Variants in TMCO5A observed in about 807,000 individuals in gnomAD.
The protein encoded by TMCO5A is transmembrane and coiled-coil domains 5A, also known as transmembrane and coiled-coil domain-containing protein 5A.
TMCO5A carries 34 observed loss-of-function variants against 42.3 expected under a neutral mutation model. The ratio of observed to expected loss-of-function variants is 0.80; its 90% CI spans 0.61 to 1.07. The LOEUF is 1.07. Among genes scored for constraint, TMCO5A ranks in the 50% least tolerant of loss-of-function variants. The pLI is 0.00. For missense variants in TMCO5A, 357 were observed against 327.9 expected (o/e 1.09, Z -0.69); for synonymous variants, 131 against 115.6 (o/e 1.13, Z -0.86).
chr15:38,018,597 G>T, the TMCO5A span, among the ~76,000 whole-genome samples: 7 of 152,064 alleles, frequency 4.6e-5, no homozygotes, highest in African/African-American at 1.4e-4. Flanking sequence ...AAAGATAAAT[G>T]ATATGGAAGA....
intron 3 of TMCO5A, among the ~76,000 whole-genome samples, 178 bp downstream of exon 3, chr15:37,936,641 C>T (rs1310377107): frequency 2.0e-5 from 3 of 152,086 alleles, no homozygotes; most frequent in African/African-American, 7.2e-5. Flanking sequence ...CAAATAGATT[C>T]CTAAAAGATG....
chr15:38,001,974 A>G, the TMCO5A span, among the ~76,000 whole-genome samples: 3 of 152,104 alleles, frequency 2.0e-5, no homozygotes, highest in Non-Finnish European at 4.4e-5. Flanking sequence ...ATTGTGTTAT[A>G]ATATTCTGTC....
chr15:37,941,319 T>C, intron 7 of TMCO5A, 114 bp downstream of exon 7: 1 of 1,068,168 alleles, frequency 9.4e-7, no homozygotes, highest in Admixed American at 2.0e-5. Flanking sequence ...TCCAAGACCA[T>C]GATGGGGCTA....
the TMCO5A span, among the ~76,000 whole-genome samples, chr15:38,013,858 A>T: frequency 6.6e-6 from 1 of 152,218 alleles, no homozygotes; most frequent in Non-Finnish European, 1.5e-5. Flanking sequence ...GAGGTCAGAA[A>T]TCAAAAATGG....
At chr15:37,999,702 T>C in the TMCO5A span, among the ~76,000 whole-genome samples, 4 of 152,250 alleles carry the variant, frequency 2.6e-5, no homozygotes, top group Non-Finnish European at 5.9e-5. Context: ...GGTATTTTCT[T>C]CCATACCCAG....
chr15:37,966,576 AC>A, intron 11 of TMCO5A: 4 of 702,764 alleles, frequency 5.7e-6, no homozygotes, highest in South Asian at 4.4e-5. Context: ...ACAGCAAGAA[AC>A]CTCAAAACAA....
the TMCO5A span, among the ~76,000 whole-genome samples, chr15:38,004,465 G>A: frequency 6.6e-6 from 1 of 152,138 alleles, no homozygotes; most frequent in African/African-American, 2.4e-5. Flanking sequence ...AGGAATTGCA[G>A]TGCTTGTGGC....
chr15:37,943,225 T>A, intron 9 of TMCO5A, 116 bp from the exon 10 acceptor site: 1 of 858,924 alleles, frequency 1.2e-6, no homozygotes, highest in South Asian at 2.0e-5. Flanking sequence ...TAGACAGTAG[T>A]TACAATATTG....
the TMCO5A span, among the ~76,000 whole-genome samples, chr15:38,003,708 G>A: frequency 6.6e-6 from 1 of 151,966 alleles, no homozygotes; most frequent in African/African-American, 2.4e-5. Flanking sequence ...ACAGTACCTG[G>A]CTACCACCAT....
chr15:37,998,514 T>A, the TMCO5A span, among the ~76,000 whole-genome samples: 2,506 of 152,258 alleles, frequency 0.016, 76 homozygotes, highest in African/African-American at 0.058. Context: ...ACTGTAGAGG[T>A]ATGGATATAT....
the TMCO5A span, among the ~76,000 whole-genome samples, chr15:38,035,072 A>C: frequency 1.3e-5 from 2 of 152,190 alleles, no homozygotes; most frequent in African/African-American, 2.4e-5. Context: ...TAGAGCTTGC[A>C]GACTGGAGTA....
At chr15:38,026,469 A>T in the TMCO5A span, among the ~76,000 whole-genome samples, 4 of 152,232 alleles carry the variant, frequency 2.6e-5, no homozygotes, top group African/African-American at 9.6e-5. Context: ...AGCATTTCAG[A>T]TGTGACTTGG....
At chr15:38,010,458 G>C in the TMCO5A span, among the ~76,000 whole-genome samples, 24,201 of 114,862 alleles carry the variant, frequency 0.21, 2,370 homozygotes, top group Admixed American at 0.26. Flanking sequence ...CACACACACA[G>C]GAAGGGGCCA....
chr15:37,993,625 C>T, the TMCO5A span: 1 of 152,092 alleles, frequency 6.6e-6, no homozygotes, highest in African/African-American at 2.4e-5. Flanking sequence ...GAGTGCTGAC[C>T]CTTTAAATCC....
At chr15:37,999,696 T>C in the TMCO5A span, among the ~76,000 whole-genome samples, 1 of 152,342 alleles carries the variant, frequency 6.6e-6, no homozygotes, top group South Asian at 2.1e-4. Flanking sequence ...TATTGAGGTA[T>C]TTTCTTCCAT....
At chr15:38,007,976 A>G in the TMCO5A span, among the ~76,000 whole-genome samples, 3 of 137,254 alleles carry the variant, frequency 2.2e-5, no homozygotes, top group Admixed American at 1.7e-4. Flanking sequence ...GCTCACTGCA[A>G]GCTCCGCCTC....
At chr15:37,951,902 C>T (rs925862592), downstream of TMCO5A, among the ~76,000 whole-genome samples, 3 of 152,042 alleles carry the variant, frequency 2.0e-5, no homozygotes, top group African/African-American at 7.2e-5. Context: ...CCTTTCCCAT[C>T]CTCCAGCAGC....
downstream of TMCO5A, among the ~76,000 whole-genome samples, chr15:37,954,837 T>C (rs1890246105): frequency 6.6e-6 from 1 of 152,088 alleles, no homozygotes; most frequent in Admixed American, 6.6e-5. Flanking sequence ...TTTGATTTCT[T>C]TTTTCATGTT....
chr15:38,017,834 C>T, the TMCO5A span, among the ~76,000 whole-genome samples: 3 of 152,006 alleles, frequency 2.0e-5, no homozygotes, highest in East Asian at 1.9e-4. Flanking sequence ...CAGGGCCTGG[C>T]GAGAGGTGAT....
Sources: gnomAD v4.1 joint callset for allele counts (sites outside exome capture counted in the v4.1 genomes callset) on GRCh38, gnomAD v4.1.1 for gene constraint, MANE v1.5 for transcripts, NCBI Gene and HGNC (gene_info 2026-07-23, HGNC 2026-07-21) for gene names.